The following RTN4 variants were observed in gnomAD, a reference collection of about 807,000 sequenced individuals.
RTN4 encodes reticulon-4.
In RTN4, 32 loss-of-function variants were observed where a neutral mutation model predicts 90.4. The ratio of observed to expected loss-of-function variants is 0.35; its 90% CI spans 0.27 to 0.48. The LOEUF (loss-of-function observed/expected upper bound fraction) is 0.48, where lower values mean the gene tolerates loss of function less well. Among genes scored for constraint, RTN4 ranks in the 20% least tolerant of loss-of-function variants. RTN4 has a pLI of 0.99. For synonymous variants in RTN4, 629 were observed against 552.5 expected, an observed-to-expected ratio of 1.14 and a Z score of -1.94; for missense variants, 1,706 against 1,430.2, an observed-to-expected ratio of 1.19 and a Z score of -3.11.
chr2:55,100,809 T>C (rs892170536), intron 1 of RTN4, among the ~76,000 whole-genome samples: 1 of 152,122 alleles, frequency 6.6e-6, no homozygotes, highest in Non-Finnish European at 1.5e-5. Context: ...GGTTCATTTG[T>C]GCTTAAACAA....
intron 1 of RTN4, among the ~76,000 whole-genome samples, chr2:55,092,118 A>T (rs1390705543): frequency 6.7e-6 from 1 of 150,294 alleles, no homozygotes; most frequent in Non-Finnish European, 1.5e-5. Flanking sequence ...TGAGTCCAGG[A>T]GTTTGAGGCT....
chr2:55,018,460 A>C (rs1285225179), intron 3 of RTN4, among the ~76,000 whole-genome samples: 1 of 152,196 alleles, frequency 6.6e-6, no homozygotes, highest in Non-Finnish European at 1.5e-5. Flanking sequence ...AATGTATTTG[A>C]CTATATACAT....
chr2:55,002,345 T>C (rs918948793), intron 3 of RTN4, among the ~76,000 whole-genome samples: 1 of 152,172 alleles, frequency 6.6e-6, no homozygotes, highest in Non-Finnish European at 1.5e-5. Flanking sequence ...AGGCGTGAGC[T>C]ACAAGGCCCA....
At chr2:55,061,122 G>C (rs905372441) in intron 2 of RTN4, among the ~76,000 whole-genome samples, 2 of 147,068 alleles carry the variant, frequency 1.4e-5, no homozygotes, top group Admixed American at 6.9e-5. Flanking sequence ...CTGGAGTGCA[G>C]TGGCACCATC....
intron 1 of RTN4, among the ~76,000 whole-genome samples, chr2:55,108,859 AG>A (rs1480335994): frequency 3.3e-5 from 5 of 152,154 alleles, no homozygotes; most frequent in Non-Finnish European, 7.3e-5. Context: ...AAGAATCTAC[AG>A]GAGCTCTTCA....
At chr2:54,987,976 T>C (rs1176074165) in intron 3 of RTN4, among the ~76,000 whole-genome samples, 1 of 152,178 alleles carries the variant, frequency 6.6e-6, no homozygotes, top group Non-Finnish European at 1.5e-5. Flanking sequence ...TGATTAAATG[T>C]CTCCAAAGCC....
Position 54,994,944 on chromosome 2 carries a change from T to C in RTN4, c.3014-7246A>G, listed in dbSNP as rs144956043. 3.0e-3 allele frequency among the ~76,000 whole-genome samples: 451 copies of C among 152,244 alleles called. 1 individual carries two copies. Among genetic ancestry groups the C allele is most frequent in the African/African-American group, 0.01 (433 of 41,542 alleles). On this transcript the variant is annotated intron_variant, in intron 3 of 8. Coordinates refer to ENST00000337526, the MANE Select transcript of RTN4 (RefSeq NM_020532.5). Reference sequence around the variant, plus strand: ...TGGCATATTTCTGGTCACAAAAACATCATCATATTCTAAATAAAGGTCGGG... The same window carrying C: ...TGGCATATTTCTGGTCACAAAAACACCATCATATTCTAAATAAAGGTCGGG...
intron 3 of RTN4, among the ~76,000 whole-genome samples, chr2:55,007,426 CA>C (rs1356458782): frequency 1.3e-5 from 2 of 152,074 alleles, no homozygotes; most frequent in Non-Finnish European, 2.9e-5. Context: ...ATTTCTTTTA[CA>C]ATCAAATCCA....
chr2:54,977,046 G>A (rs1431174441), intron 5 of RTN4, among the ~76,000 whole-genome samples: 1 of 152,218 alleles, frequency 6.6e-6, no homozygotes, highest in Non-Finnish European at 1.5e-5. Context: ...TAACACACCT[G>A]ATTAAAGAGC....
chr2:55,058,243 A>G (rs1465422796), intron 2 of RTN4, among the ~76,000 whole-genome samples: 2 of 152,214 alleles, frequency 1.3e-5, no homozygotes, highest in Admixed American at 6.5e-5. Context: ...TTTAGATTCT[A>G]TGAGTGTTGC....
chr2:55,043,460 T>C (rs1377423311), intron 1 of RTN4, among the ~76,000 whole-genome samples: 1 of 152,152 alleles, frequency 6.6e-6, no homozygotes, highest in Non-Finnish European at 1.5e-5. Flanking sequence ...AGGTATATTA[T>C]GAAAATAAAT....
intron 2 of RTN4, among the ~76,000 whole-genome samples, chr2:55,078,128 G>A (rs2105025965): frequency 6.6e-6 from 1 of 151,896 alleles, no homozygotes; most frequent in East Asian, 1.9e-4. Context: ...CACCACTAAA[G>A]AGCTTGTTCA....
chr2:55,094,934 C>T (rs867416532), intron 1 of RTN4, among the ~76,000 whole-genome samples: 42 of 152,264 alleles, frequency 2.8e-4, no homozygotes, highest in African/African-American at 1.0e-3. Context: ...AATGAAATAA[C>T]CATGGTTTCC....
At chr2:55,130,327 C>T in the RTN4 span, among the ~76,000 whole-genome samples, 1 of 152,028 alleles carries the variant, frequency 6.6e-6, no homozygotes. Flanking sequence ...ATAGGACATA[C>T]AAGTATTTGT....
At chr2:55,079,747 A>G (rs1223367386) in intron 2 of RTN4, among the ~76,000 whole-genome samples, 1 of 152,180 alleles carries the variant, frequency 6.6e-6, no homozygotes, top group Non-Finnish European at 1.5e-5. Context: ...ACTCTCCTAC[A>G]TAGGGATGAT....
In RTN4 at chr2:55,076,131, A is replaced by G. The variant is rs1318959862; in HGVS notation, c.-63+4358T>C. Among the ~76,000 whole-genome samples the G allele has an allele frequency of 2.0e-5, 3 of 152,242 alleles. No homozygotes were observed. The East Asian group carries it at 5.8e-4, about 29-fold the overall frequency. The stretch of plus-strand genomic sequence containing the variant: ...CTGCACAGCAAAAGAAATAATCAGC[A>G]GAGTAAACAGACAACCCATGGAGTG... On this transcript the variant is annotated intron_variant, in intron 2 of 3. Coordinates refer to the RTN4 transcript ENST00000427710.
At chr2:54,998,879 G>A (rs1275312106) in intron 3 of RTN4, among the ~76,000 whole-genome samples, 2 of 152,118 alleles carry the variant, frequency 1.3e-5, no homozygotes, top group Admixed American at 6.5e-5. Flanking sequence ...TACAGGGAAA[G>A]TTTAACTTTT....
At position 55,050,180 on chromosome 2, in the gene RTN4, C is replaced by G. The variant is rs376552540; in HGVS notation, c.121G>C (p.Glu41Gln). 1 of 1,570,288 alleles carries G rather than the reference C, an allele frequency of 6.4e-7. No homozygotes were observed. Among genetic ancestry groups the G allele is most frequent in the South Asian group, 1.2e-5 (1 of 86,510 alleles). The change falls in exon 1 of 9, where the codon GAA becomes CAA. Residue 41 changes from glutamate (E) to glutamine (Q), a missense_variant. Transcript: ENST00000337526. This position sits in a 1 kb window ranked among gnomAD's most constrained non-coding sequence, Gnocchi z 4.6. ...PEDEEEEEEEEEEDEDEDLEE... is the reference protein window; with the variant it reads ...PEDEEEEEEEQEEDEDEDLEE... ...AGGTCTTCGTCCTCGTCCTCCTCTT[C>G]CTCCTCCTCTTCTTCCTCCTCGTCC...
At chr2:55,116,091 C>CTTTTTTTTT (rs5831339), upstream of RTN4, among the ~76,000 whole-genome samples, 6 of 105,474 alleles carry the variant, frequency 5.7e-5, no homozygotes, top group African/African-American at 7.1e-5. Flanking sequence ...GGGGACTAGT[C>CTTTTTTTTT]TTTTTTTTTT....
Sources: allele counts gnomAD v4.1 joint callset (sites outside exome capture counted in the v4.1 genomes callset), GRCh38; gene constraint gnomAD v4.1.1; non-coding constraint Gnocchi (gnomAD v3.1); transcripts MANE v1.5; gene names NCBI Gene and HGNC (gene_info 2026-07-23, HGNC 2026-07-21).